CBLB: variants seen among roughly 807,000 people sequenced by gnomAD.
The protein encoded by CBLB is Cbl proto-oncogene B, also known as E3 ubiquitin-protein ligase CBL-B.
CBLB carries 31 observed loss-of-function variants against 104.9 expected under a neutral mutation model. That is an observed-to-expected ratio of 0.30 (90% CI 0.22 to 0.40). The LOEUF (loss-of-function observed/expected upper bound fraction) is 0.40. Among genes scored for constraint, CBLB ranks in the 10% least tolerant of loss-of-function variants. CBLB has a pLI of 1.00. For synonymous variants in CBLB, 440 were observed against 422.6 expected, an observed-to-expected ratio of 1.04 and a Z score of -0.51; for missense variants, 1,062 against 1,214.6, an observed-to-expected ratio of 0.87 and a Z score of 1.87.
In CBLB at chr3:105,702,514, A is replaced by C. The variant is rs1470785264; in HGVS notation, c.1594-55T>G. 2.0e-6 allele frequency: 3 copies of C among 1,481,970 alleles called. No homozygotes were observed. In the African/African-American group the frequency reaches 4.3e-5, roughly 21 times the overall value. 91.8% of individuals were successfully genotyped at this position (1,481,970 alleles called of 1,614,324 possible). ...AAAAAAAAAAACTAAAGGTTGTACC[A>C]TGCACTGACAGAACTTCCAAACTAG... is the stretch of plus-strand genomic sequence containing the variant. On this transcript the variant is annotated intron_variant, in intron 11 of 18. Coordinates refer to ENST00000394030, the MANE Select transcript of CBLB (RefSeq NM_170662.5).
chr3:105,663,258 A>G (rs2064007342), intron 18 of CBLB, among the ~76,000 whole-genome samples: 1 of 152,218 alleles, frequency 6.6e-6, no homozygotes. Context: ...TAAGGGAAGA[A>G]CCTAGAAATG....
intron 10 of CBLB, among the ~76,000 whole-genome samples, chr3:105,712,967 T>C (rs556916571): frequency 2.0e-5 from 3 of 152,068 alleles, no homozygotes; most frequent in Non-Finnish European, 1.5e-5. Flanking sequence ...GAGTCTTAAA[T>C]AACACTAGTA....
intron 13 of CBLB, among the ~76,000 whole-genome samples, chr3:105,685,806 T>G (rs1280027188): frequency 6.6e-6 from 1 of 152,196 alleles, no homozygotes; most frequent in East Asian, 1.9e-4. Context: ...TATTAATATT[T>G]TGTTCCAATT....
intron 6 of CBLB, among the ~76,000 whole-genome samples, chr3:105,742,398 T>TA (rs1008106993): frequency 2.0e-5 from 3 of 152,120 alleles, no homozygotes; most frequent in Non-Finnish European, 1.5e-5. Context: ...AACTAGAATT[T>TA]AAAAAAAGAA....
chr3:105,772,163 G>A (rs1397754760), intron 4 of CBLB, among the ~76,000 whole-genome samples: 1 of 152,176 alleles, frequency 6.6e-6, no homozygotes, highest in East Asian at 1.9e-4. Context: ...CATGGTACTG[G>A]TATAATGACA....
intron 3 of CBLB, among the ~76,000 whole-genome samples, chr3:105,809,509 A>G (rs1461522368): frequency 6.6e-6 from 1 of 152,116 alleles, no homozygotes; most frequent in Non-Finnish European, 1.5e-5. Flanking sequence ...TATTTTTTAA[A>G]CATACATACA....
At chr3:105,869,104 G>C, upstream of CBLB, 1 of 946,622 alleles carries the variant, frequency 1.1e-6, no homozygotes, top group Non-Finnish European at 1.4e-6. Flanking sequence ...CCGCGCAACC[G>C]CGCACTGCCC....
At chr3:105,867,700 A>G (rs1384111451) in intron 1 of CBLB, 109 bp from the exon 2 acceptor site, 7 of 891,368 alleles carry the variant, frequency 7.9e-6, no homozygotes, top group Non-Finnish European at 1.3e-5. Context: ...CATCGATTAG[A>G]GCAAAACCAA....
chr3:105,704,108 C>T lies in CBLB; in HGVS notation c.1473G>A (p.Lys491=), dbSNP rs555045800. The T allele has an allele frequency of 5.3e-5, 86 of 1,614,116 alleles. No individual in the cohort carries two copies. The highest frequency in any genetic ancestry group is 6.9e-5 in the Non-Finnish European group (82 of 1,180,018). ...GGATCTGGAGTGGGTCAGGCTGTGGCTTTCTTCTCTGGGCAAGGGGAGAGG... is the reference window on the plus strand; with the variant it reads ...GGATCTGGAGTGGGTCAGGCTGTGGTTTTCTTCTCTGGGCAAGGGGAGAGG... ...PGSSPLAQRR[K]PQPDPLQIPH... is the part of the protein sequence containing the mutation. Residue 491 remains lysine, a synonymous_variant, in exon 11 of 19, where the codon AAG becomes AAA. Coordinates refer to ENST00000394030, the MANE Select transcript of CBLB (RefSeq NM_170662.5).
chr3:105,778,960 A>C (rs1560200970), intron 3 of CBLB, among the ~76,000 whole-genome samples: 2 of 152,214 alleles, frequency 1.3e-5, no homozygotes, highest in Non-Finnish European at 2.9e-5. Context: ...AGAAAAGTAT[A>C]AAGTCACCTT....
At chr3:105,767,915 A>G (rs1011380073) in intron 4 of CBLB, among the ~76,000 whole-genome samples, 2 of 152,246 alleles carry the variant, frequency 1.3e-5, no homozygotes, top group South Asian at 4.1e-4. Flanking sequence ...ATCTGGCTGC[A>G]GAGCCTGCAT....
rs2076569977 is a variant in CBLB, at chr3:105,751,331, G to T, written c.723+131C>A. On this transcript the variant is annotated intron_variant, in intron 5 of 18. Coordinates refer to ENST00000394030, the MANE Select transcript of CBLB (RefSeq NM_170662.5). ...TACCAATAAAATTACAGACTAATAGGAATGACACTATTTTCCATATGTTTG... is the reference window on the plus strand; with the variant it reads ...TACCAATAAAATTACAGACTAATAGTAATGACACTATTTTCCATATGTTTG... 6 of 746,934 alleles carry T rather than the reference G, an allele frequency of 8.0e-6. No individual in the cohort carries two copies. In the South Asian group the frequency reaches 9.2e-5, roughly 11 times the overall value. 46.3% of individuals were successfully genotyped at this position (746,934 alleles called of 1,614,324 possible).
In CBLB at chr3:105,857,487, C is replaced by T. The variant is rs144331724; in HGVS notation, c.169-3823G>A. Reference sequence around the variant, plus strand: ...GCTCTAAGGGATCTTAGTAAAGATTCCACCCAATCCATTCATTTCCAGATT... The same window carrying T: ...GCTCTAAGGGATCTTAGTAAAGATTTCACCCAATCCATTCATTTCCAGATT... On this transcript the variant is annotated intron_variant, in intron 2 of 18. Transcript: ENST00000394030. 3.6e-3 allele frequency among the ~76,000 whole-genome samples: 541 copies of T among 152,116 alleles called. 4 individuals are homozygous for T. Among genetic ancestry groups the T allele is most frequent in the Non-Finnish European group, 4.3e-3 (294 of 67,992 alleles).
intron 7 of CBLB, among the ~76,000 whole-genome samples, chr3:105,738,900 G>T (rs1053668356): frequency 1.3e-5 from 2 of 152,102 alleles, no homozygotes; most frequent in African/African-American, 4.8e-5. Context: ...GAAAGGTTTT[G>T]TGTGTGTTGG....
chr3:105,675,291 C>A (rs1401537884), intron 17 of CBLB, among the ~76,000 whole-genome samples: 1 of 152,136 alleles, frequency 6.6e-6, no homozygotes, highest in Non-Finnish European at 1.5e-5. Flanking sequence ...ATTTTGCAGT[C>A]CCTTTTATTT....
rs1226496975 is a variant in CBLB at position 105,719,654 on chromosome 3, GATA to G, written c.1407+390_1407+392del. ...TACTTGTGTACAGTACATAATATGT[GATA>G]ATGATAATAAATGAATGTTACTGGT... On this transcript the variant is annotated intron_variant, in intron 10 of 18. Transcript: ENST00000394030. Among the ~76,000 whole-genome samples, 5 of 152,098 alleles carry G rather than the reference GATA, an allele frequency of 3.3e-5. No homozygotes were observed. In the East Asian group the frequency reaches 9.6e-4, roughly 29 times the overall value.
chr3:105,857,050 G>A (rs941074930), intron 2 of CBLB, among the ~76,000 whole-genome samples: 1 of 152,130 alleles, frequency 6.6e-6, no homozygotes, highest in South Asian at 2.1e-4. Context: ...GGTGTAACAT[G>A]TCACAGACTG....
chr3:105,698,863 A>C (rs2068732541), intron 12 of CBLB, among the ~76,000 whole-genome samples: 1 of 152,038 alleles, frequency 6.6e-6, no homozygotes, highest in Non-Finnish European at 1.5e-5. Context: ...GTTGTATATG[A>C]TCTACATGTT....
chr3:105,784,932 A>AT (rs1435170334), intron 3 of CBLB, among the ~76,000 whole-genome samples: 1 of 152,128 alleles, frequency 6.6e-6, no homozygotes, highest in Non-Finnish European at 1.5e-5. Flanking sequence ...CTCTGATACA[A>AT]TGTTTCTATG....
Sources: gnomAD v4.1 joint callset for allele counts (sites outside exome capture counted in the v4.1 genomes callset) on GRCh38, gnomAD v4.1.1 for gene constraint, MANE v1.5 for transcripts, NCBI Gene and HGNC (gene_info 2026-07-23, HGNC 2026-07-21) for gene names.